CCDC149: variants seen among roughly 807,000 people sequenced by gnomAD.
The protein encoded by CCDC149 is coiled-coil domain containing 149, also known as coiled-coil domain-containing protein 149.
In CCDC149, 45 loss-of-function variants were observed where a neutral mutation model predicts 59.9. The observed-to-expected ratio is 0.75, with a 90% CI of 0.59 to 0.96. CCDC149 has a LOEUF of 0.96. Ranked by LOEUF, CCDC149 falls within the 40% of genes least tolerant of loss-of-function variation. CCDC149 has a pLI of 0.00. For missense variants in CCDC149, 584 were observed against 664.7 expected (o/e 0.88, Z 1.33); for synonymous variants, 245 against 260.6 (o/e 0.94, Z 0.58).
At position 24,815,785 on chromosome 4, in the gene CCDC149, T is replaced by C. The variant is rs2109096416; in HGVS notation, c.1192+4074A>G. 1.3e-5 allele frequency among the ~76,000 whole-genome samples: 2 copies of C among 152,314 alleles called. 1 individual carries two copies. Among genetic ancestry groups the C allele is most frequent in the South Asian group, 4.1e-4 (2 of 4,832 alleles). On this transcript the variant is annotated intron_variant, in intron 12 of 12. Transcript: ENST00000635206. ...GCTCATGTCCAAAGGTATGAGTCTC[T>C]TTTAATATGGGAAACCTCTGAGATT...
At chr4:24,892,439 T>C (rs767495959) in intron 1 of CCDC149, among the ~76,000 whole-genome samples, 1 of 152,248 alleles carries the variant, frequency 6.6e-6, no homozygotes, top group Non-Finnish European at 1.5e-5. Flanking sequence ...ACAATCATCA[T>C]CTTCCTGGAT....
intron 1 of CCDC149, among the ~76,000 whole-genome samples, chr4:24,918,748 G>T (rs1722204511): frequency 6.6e-6 from 1 of 152,116 alleles, no homozygotes; most frequent in Non-Finnish European, 1.5e-5. Context: ...GGGCTCCCTT[G>T]GTCTGAGGGT....
intron 1 of CCDC149, among the ~76,000 whole-genome samples, chr4:24,965,501 ATTCCC>A (rs1325499446): frequency 0.022 from 3,350 of 150,444 alleles, 111 homozygotes; most frequent in African/African-American, 0.063. Flanking sequence ...TCTCTGGAAA[ATTCCC>A]CAATGTTTCA....
intron 4 of CCDC149, among the ~76,000 whole-genome samples, chr4:24,850,785 A>T (rs1717608827): frequency 6.6e-6 from 1 of 152,166 alleles, no homozygotes; most frequent in South Asian, 2.1e-4. Context: ...TTACCTGGGA[A>T]CGGGGGCTTC....
chr4:24,941,645 A>G (rs1329408602), intron 1 of CCDC149, among the ~76,000 whole-genome samples: 4 of 152,212 alleles, frequency 2.6e-5, no homozygotes, highest in Admixed American at 2.6e-4. Context: ...TTGATAGGCC[A>G]CTAGCAAGAC....
intron 1 of CCDC149, among the ~76,000 whole-genome samples, chr4:24,936,240 G>A (rs1233366722): frequency 6.6e-6 from 1 of 152,002 alleles, no homozygotes; most frequent in Non-Finnish European, 1.5e-5. Flanking sequence ...GGTCAGTGGG[G>A]GGTATGAATA....
intron 1 of CCDC149, among the ~76,000 whole-genome samples, chr4:24,941,290 A>G (rs1432882800): frequency 6.6e-6 from 1 of 152,242 alleles, no homozygotes. Flanking sequence ...CTGCTCCTGA[A>G]TGACTACTGG....
chr4:24,917,718 C>A (rs912558331), upstream of CCDC149, among the ~76,000 whole-genome samples: 2 of 152,040 alleles, frequency 1.3e-5, no homozygotes, highest in South Asian at 4.1e-4. Flanking sequence ...CGAGATGCAG[C>A]CCACGGAAGG....
At chr4:24,923,266 T>C (rs1722348187) in intron 1 of CCDC149, among the ~76,000 whole-genome samples, 1 of 152,224 alleles carries the variant, frequency 6.6e-6, no homozygotes, top group Non-Finnish European at 1.5e-5. Flanking sequence ...TGGTCAGCTA[T>C]CTTACAAGTT....
At chr4:24,933,806 T>A (rs993437399) in intron 1 of CCDC149, among the ~76,000 whole-genome samples, 3 of 152,218 alleles carry the variant, frequency 2.0e-5, no homozygotes, top group African/African-American at 7.2e-5. Flanking sequence ...CAAAATGTAA[T>A]GGCTTTGAAC....
chr4:24,883,273 T>C (rs964945906), intron 1 of CCDC149, among the ~76,000 whole-genome samples: 6 of 151,910 alleles, frequency 3.9e-5, no homozygotes, highest in African/African-American at 1.5e-4. Flanking sequence ...GTAAGGGTAA[T>C]TATTGTTTCC....
chr4:24,932,497 T>C (rs1050508264), intron 1 of CCDC149, among the ~76,000 whole-genome samples: 2 of 152,170 alleles, frequency 1.3e-5, no homozygotes, highest in African/African-American at 4.8e-5. Context: ...TTATTTATAT[T>C]GTGTTTGATT....
chr4:24,940,801 G>T (rs956770646), intron 1 of CCDC149, among the ~76,000 whole-genome samples: 1 of 152,192 alleles, frequency 6.6e-6, no homozygotes, highest in African/African-American at 2.4e-5. Context: ...GACAAAGAAG[G>T]CCATGACATA....
intron 1 of CCDC149, among the ~76,000 whole-genome samples, chr4:24,909,903 C>T (rs575233919): frequency 6.6e-6 from 1 of 152,326 alleles, no homozygotes; most frequent in South Asian, 2.1e-4. Context: ...TCATGTGGAA[C>T]AGCAGGCCCA....
chr4:24,873,080 C>A (rs1373881447), intron 3 of CCDC149, among the ~76,000 whole-genome samples: 1 of 152,068 alleles, frequency 6.6e-6, no homozygotes, highest in East Asian at 1.9e-4. Flanking sequence ...CAGCAGGCAC[C>A]CACAGAATGG....
At chr4:24,895,110 T>C in intron 1 of CCDC149, 1 of 1,010,512 alleles carries the variant, frequency 9.9e-7, no homozygotes, top group Non-Finnish European at 1.5e-6. Flanking sequence ...TATGAATAAG[T>C]AGTGCTGACT....
At chr4:24,955,158 G>T (rs113941434) in intron 1 of CCDC149, among the ~76,000 whole-genome samples, 1,956 of 152,198 alleles carry the variant, frequency 0.013, 24 homozygotes, top group Non-Finnish European at 0.018. Context: ...CTTGGTTCTG[G>T]AGACTGGGAG....
At chr4:24,965,376 A>G (rs1703618355) in intron 1 of CCDC149, among the ~76,000 whole-genome samples, 1 of 151,078 alleles carries the variant, frequency 6.6e-6, no homozygotes, top group South Asian at 2.1e-4. Flanking sequence ...GTGATAAGCT[A>G]CATATATATT....
chr4:24,888,529 C>T (rs1265780683), intron 1 of CCDC149, among the ~76,000 whole-genome samples: 1 of 152,150 alleles, frequency 6.6e-6, no homozygotes. Flanking sequence ...CCTTTCAGCA[C>T]CTTCATTCTT....
Sources: gnomAD v4.1 joint callset for allele counts (sites outside exome capture counted in the v4.1 genomes callset) on GRCh38, gnomAD v4.1.1 for gene constraint, MANE v1.5 for transcripts, NCBI Gene and HGNC (gene_info 2026-07-23, HGNC 2026-07-21) for gene names.